CIMIP1: variants seen among roughly 807,000 people sequenced by gnomAD.
CIMIP1 encodes ciliary microtubule inner protein 1.
the CIMIP1 span, among the ~76,000 whole-genome samples, chr20:58,154,960 C>T: frequency 3.3e-5 from 5 of 152,204 alleles, no homozygotes; most frequent in Admixed American, 3.3e-4. Flanking sequence ...CACATGCCAT[C>T]ATGCCCAGCT....
At chr20:58,151,702 C>T in the CIMIP1 span, among the ~76,000 whole-genome samples, 27 of 152,086 alleles carry the variant, frequency 1.8e-4, no homozygotes, top group East Asian at 2.1e-3. Flanking sequence ...CGTGAGTCAC[C>T]GCGCCTGGCC....
chr20:58,157,962 T>C, the CIMIP1 span, among the ~76,000 whole-genome samples: 1 of 152,162 alleles, frequency 6.6e-6, no homozygotes, highest in Non-Finnish European at 1.5e-5. Context: ...TGGCATGGGA[T>C]CTGCTTAGTG....
At chr20:58,153,417 G>A in the CIMIP1 span, 1 of 696,656 alleles carries the variant, frequency 1.4e-6, no homozygotes, top group Non-Finnish European at 2.6e-6. Context: ...CACGCTGTCT[G>A]GCTCCTCACT....
chr20:58,152,221 C>T, the CIMIP1 span, among the ~76,000 whole-genome samples: 17 of 151,828 alleles, frequency 1.1e-4, no homozygotes, highest in African/African-American at 3.6e-4. Flanking sequence ...GGAGATGCTG[C>T]CACAGCAGGA....
the CIMIP1 span, among the ~76,000 whole-genome samples, chr20:58,155,206 G>A: frequency 1.3e-5 from 2 of 152,248 alleles, no homozygotes; most frequent in Admixed American, 1.3e-4. Flanking sequence ...AGCAGGAGGG[G>A]ATGGAGATGG....
At chr20:58,157,960 G>A in the CIMIP1 span, among the ~76,000 whole-genome samples, 1 of 152,142 alleles carries the variant, frequency 6.6e-6, no homozygotes, top group Non-Finnish European at 1.5e-5. Flanking sequence ...GGTGGCATGG[G>A]ATCTGCTTAG....
the CIMIP1 span, among the ~76,000 whole-genome samples, chr20:58,154,409 C>A: frequency 4.6e-5 from 7 of 152,352 alleles, no homozygotes; most frequent in East Asian, 1.3e-3. Context: ...TATGTGGGTT[C>A]TGGTGGGGTG....
chr20:58,155,615 C>A, the CIMIP1 span: 1 of 1,504,880 alleles, frequency 6.6e-7, no homozygotes, highest in Non-Finnish European at 9.2e-7. Flanking sequence ...TACTCATTTT[C>A]CTAAGTAAGA....
At chr20:58,155,578 C>T in the CIMIP1 span, 22 of 1,604,818 alleles carry the variant, frequency 1.4e-5, no homozygotes, top group Admixed American at 3.4e-5. Context: ...AGGTTTGAAA[C>T]GTTTTTAAAT....
At chr20:58,151,492 C>T in the CIMIP1 span, among the ~76,000 whole-genome samples, 2 of 152,096 alleles carry the variant, frequency 1.3e-5, no homozygotes, top group Admixed American at 1.3e-4. Flanking sequence ...CGGCTCACTG[C>T]AACCTCTGCC....
the CIMIP1 span, among the ~76,000 whole-genome samples, chr20:58,158,120 C>T: frequency 1.3e-5 from 2 of 152,192 alleles, no homozygotes; most frequent in African/African-American, 4.8e-5. Context: ...CACCTAGATA[C>T]CAGAGAGGTG....
chr20:58,154,905 G>A, the CIMIP1 span, among the ~76,000 whole-genome samples: 295 of 152,304 alleles, frequency 1.9e-3, 1 homozygote, highest in African/African-American at 6.8e-3. Flanking sequence ...CCTCCAGGCT[G>A]AAGCCATCCT....
the CIMIP1 span, chr20:58,153,451 C>A: frequency 2.1e-6 from 2 of 942,534 alleles, no homozygotes; most frequent in Non-Finnish European, 3.4e-6. Context: ...AGAACCACTG[C>A]CCAGTCAATG....
chr20:58,153,853 G>A, the CIMIP1 span, among the ~76,000 whole-genome samples: 433 of 152,344 alleles, frequency 2.8e-3, 5 homozygotes, highest in African/African-American at 1.0e-2. Flanking sequence ...ATCTGGACAA[G>A]AACCCCGGTG....
chr20:58,155,201 G>A, the CIMIP1 span, among the ~76,000 whole-genome samples: 1 of 152,254 alleles, frequency 6.6e-6, no homozygotes, highest in African/African-American at 2.4e-5. Context: ...TGAGCAGCAG[G>A]AGGGGATGGA....
the CIMIP1 span, among the ~76,000 whole-genome samples, chr20:58,156,815 A>C: frequency 6.6e-6 from 1 of 152,052 alleles, no homozygotes; most frequent in Non-Finnish European, 1.5e-5. Flanking sequence ...GCTATGGAGA[A>C]GGTGGTTCTG....
chr20:58,152,722 C>CAAAAAAAAAAAAAAAAAAAAAAAAAAA, the CIMIP1 span, among the ~76,000 whole-genome samples: 3 of 84,888 alleles, frequency 3.5e-5, no homozygotes, highest in Non-Finnish European at 4.6e-5. Flanking sequence ...GAAACTCCAT[C>CAAAAAAAAAAAAAAAAAAAAAAAAAAA]AAAAAAAAAA....
At chr20:58,157,936 C>T in the CIMIP1 span, among the ~76,000 whole-genome samples, 1 of 152,200 alleles carries the variant, frequency 6.6e-6, no homozygotes, top group African/African-American at 2.4e-5. Context: ...CACCTGCCTC[C>T]ATCCCAAGAA....
chr20:58,153,665 A>G, the CIMIP1 span: 5 of 1,339,400 alleles, frequency 3.7e-6, no homozygotes, highest in African/African-American at 1.5e-5. Flanking sequence ...TACAGAATCA[A>G]TCATTTCAAA....
Sources: allele counts gnomAD v4.1 joint callset (sites outside exome capture counted in the v4.1 genomes callset), GRCh38; gene constraint gnomAD v4.1.1; transcripts MANE v1.5; gene names NCBI Gene and HGNC (gene_info 2026-07-23, HGNC 2026-07-21).